The following OR52N4 variants were observed in gnomAD, a reference collection of about 807,000 sequenced individuals.
OR52N4 encodes the protein olfactory receptor family 52 subfamily N member 4.
OR52N4 carries 15 observed loss-of-function variants against 15.0 expected under a neutral mutation model. That is an observed-to-expected ratio of 1.00 (90% confidence interval 0.67 to 1.54). OR52N4 has a LOEUF of 1.54. OR52N4 is among the 40% of genes most tolerant of loss of function. OR52N4 has a pLI of 0.00. For missense variants in OR52N4, 421 were observed against 394.0 expected (o/e 1.07, Z -0.58); for synonymous variants, 143 against 143.7 (o/e 1.00, Z 0.03).
chr11:5,752,503 T>C (rs1010796201), upstream of OR52N4, among the ~76,000 whole-genome samples: 2 of 152,174 alleles, frequency 1.3e-5, no homozygotes, highest in Non-Finnish European at 2.9e-5. Flanking sequence ...TCATGATTCC[T>C]ATGGTGTTAA....
the OR52N4 span, among the ~76,000 whole-genome samples, chr11:5,740,347 G>A: frequency 7.8e-6 from 1 of 127,586 alleles, no homozygotes; most frequent in African/African-American, 2.8e-5. Context: ...TAGTGGAGTC[G>A]ACTGATTACT....
the OR52N4 span, among the ~76,000 whole-genome samples, chr11:5,734,953 G>T: frequency 3.3e-5 from 5 of 152,124 alleles, no homozygotes; most frequent in Middle Eastern, 6.8e-3. Flanking sequence ...TCATTTGGGA[G>T]TATATGTTTA....
At chr11:5,736,483 A>C in the OR52N4 span, 12 of 1,601,394 alleles carry the variant, frequency 7.5e-6, no homozygotes, top group Admixed American at 3.3e-5. Context: ...AACTGAGAAC[A>C]ATACAAATAG....
In OR52N4 at chr11:5,755,501, A is replaced by G. The variant is rs547686981; in HGVS notation, c.761A>G (p.Tyr254Cys). 1.5e-5 allele frequency: 25 copies of G among 1,613,918 alleles called. 1 individual carries two copies. In the South Asian group the frequency reaches 2.6e-4, roughly 17 times the overall value. ...CACATTTGTGCCATTGTTTTCTCCT[A>G]TACTCCAGCTTTCTTCTCCTTCTTT... ...TAHICAIVFS[Y>C]TPAFFSFFSH... The change falls in exon 2 of 2, where the codon TAT becomes TGT. Residue 254 changes from tyrosine (Y) to cysteine (C), a missense_variant. Tyr to Cys is a radical substitution (Grantham distance 194). Coordinates refer to ENST00000641350, the MANE Select transcript of OR52N4 (RefSeq NM_001005175.5).
At chr11:5,741,266 A>C in the OR52N4 span, among the ~76,000 whole-genome samples, 1 of 152,228 alleles carries the variant, frequency 6.6e-6, no homozygotes, top group Non-Finnish European at 1.5e-5. Flanking sequence ...AGAGGATAAG[A>C]TCTTAAGACA....
chr11:5,738,777 A>T, the OR52N4 span, among the ~76,000 whole-genome samples: 2 of 151,394 alleles, frequency 1.3e-5, no homozygotes, highest in Non-Finnish European at 2.9e-5. Context: ...TTTTTTTTTT[A>T]AATAGTCCTA....
At chr11:5,749,380 T>C (rs749885632), upstream of OR52N4, among the ~76,000 whole-genome samples, 1 of 151,938 alleles carries the variant, frequency 6.6e-6, no homozygotes, top group African/African-American at 2.4e-5. Context: ...TTGTGTGAGG[T>C]TGAGTTCTTT....
rs762846937 is a variant in OR52N4, at chr11:5,755,602, C to A, written c.862C>A (p.Pro288Thr). 1.1e-5 allele frequency: 18 copies of A among 1,613,908 alleles called. No homozygotes were observed. In the South Asian group the frequency reaches 2.0e-4, roughly 18 times the overall value. The change falls in exon 2 of 2, where the codon CCC (proline) becomes ACC (threonine). Residue 288 changes from proline to threonine, a missense_variant. Pro to Thr is a conservative substitution (Grantham distance 38). Transcript: ENST00000641350. ...IVANIYLLLPPTMNPIVYGVK... is the reference protein window; with the variant it reads ...IVANIYLLLPTTMNPIVYGVK... ...AGCCAATATTTATCTGCTCCTACCA[C>A]CCACTATGAACCCTATTGTCTATGG...
upstream of OR52N4, among the ~76,000 whole-genome samples, chr11:5,753,628 T>G (rs1488571956): frequency 6.6e-6 from 1 of 152,094 alleles, no homozygotes; most frequent in Non-Finnish European, 1.5e-5. Flanking sequence ...TAAATTTTTG[T>G]GGGCACATAG....
At chr11:5,729,113 G>GGTTT in the OR52N4 span, among the ~76,000 whole-genome samples, 1 of 50,290 alleles carries the variant, frequency 2.0e-5, no homozygotes, top group Non-Finnish European at 3.8e-5. Context: ...CTTAAATTGA[G>GGTTT]ATTTTTTTTT....
the OR52N4 span, among the ~76,000 whole-genome samples, chr11:5,734,676 G>A: frequency 6.6e-6 from 1 of 152,064 alleles, no homozygotes; most frequent in Non-Finnish European, 1.5e-5. Context: ...AAAATGTTAT[G>A]TGATATTAGG....
At chr11:5,736,344 G>A in the OR52N4 span, 1 of 620,058 alleles carries the variant, frequency 1.6e-6, no homozygotes, top group South Asian at 2.0e-5. Context: ...TCTGCATCAA[G>A]TCAAGTAACA....
At chr11:5,737,209 G>A in the OR52N4 span, 3 of 1,614,050 alleles carry the variant, frequency 1.9e-6, no homozygotes, top group South Asian at 1.1e-5. Context: ...TTTTGATTCT[G>A]TACTCTGTAC....
At chr11:5,734,792 CAGAAT>C in the OR52N4 span, among the ~76,000 whole-genome samples, 1 of 152,054 alleles carries the variant, frequency 6.6e-6, no homozygotes, top group Non-Finnish European at 1.5e-5. Flanking sequence ...TGAACCCCTT[CAGAAT>C]TCTCCTCTAA....
the OR52N4 span, among the ~76,000 whole-genome samples, chr11:5,744,356 A>G: frequency 3.9e-5 from 6 of 152,220 alleles, no homozygotes; most frequent in Non-Finnish European, 7.3e-5. Flanking sequence ...AACTGGTTCT[A>G]TGATGCTTGT....
At position 5,755,697 on chromosome 11, in the gene OR52N4, C is replaced by T. The variant is rs543877325; in HGVS notation, c.957C>T (p.Tyr319=). ...ILSGSKDTKS[Y]SM ...CAGGTTCTAAGGATACCAAATCCTA[C>T]AGCATGTGAATGAACACTTGCCAGG... Residue 319 remains tyrosine (Y), a synonymous_variant, in exon 2 of 2, where the codon TAC becomes TAT. Transcript: ENST00000641350. 6 of 1,612,448 alleles carry T rather than the reference C, an allele frequency of 3.7e-6. No individual in the cohort carries two copies. The highest frequency in any genetic ancestry group is 5.1e-6 in the Non-Finnish European group (6 of 1,179,018).
chr11:5,749,975 A>G (rs1344358399), upstream of OR52N4, among the ~76,000 whole-genome samples: 1 of 151,972 alleles, frequency 6.6e-6, no homozygotes, highest in Non-Finnish European at 1.5e-5. Context: ...TATTAATAAT[A>G]CTTAGATAGT....
At chr11:5,741,191 A>C in the OR52N4 span, among the ~76,000 whole-genome samples, 1 of 152,228 alleles carries the variant, frequency 6.6e-6, no homozygotes. Flanking sequence ...GTTAAGTTCC[A>C]GTATGATTAC....
the OR52N4 span, chr11:5,736,439 C>A: frequency 8.0e-7 from 1 of 1,246,354 alleles, no homozygotes; most frequent in Non-Finnish European, 1.1e-6. Context: ...AAAAATACTA[C>A]AATTTTATTT....
Sources: gnomAD v4.1 joint callset for allele counts (sites outside exome capture counted in the v4.1 genomes callset) on GRCh38, gnomAD v4.1.1 for gene constraint, MANE v1.5 for transcripts, NCBI Gene and HGNC (gene_info 2026-07-23, HGNC 2026-07-21) for gene names.